Variants in PTPRG observed in about 807,000 individuals in gnomAD.
The protein encoded by PTPRG is protein tyrosine phosphatase receptor type G.
Under a neutral mutation model 165.3 loss-of-function variants are expected in PTPRG, and 102 were observed. That is an observed-to-expected ratio of 0.62 (90% CI 0.53 to 0.73). The LOEUF (loss-of-function observed/expected upper bound fraction) is 0.73. Among genes scored for constraint, PTPRG ranks in the 30% least tolerant of loss-of-function variants. PTPRG has a pLI of 0.00. For missense variants in PTPRG, 1,866 were observed against 1,861.4 expected, an observed-to-expected ratio of 1.00 and a Z score of -0.05; for synonymous variants, 675 against 669.5, an observed-to-expected ratio of 1.01 and a Z score of -0.13.
chr3:61,683,649 G>A (rs1428003136), intron 1 of PTPRG, among the ~76,000 whole-genome samples: 1 of 152,158 alleles, frequency 6.6e-6, no homozygotes, highest in Non-Finnish European at 1.5e-5. Context: ...GGGACATAGT[G>A]TTCCTTTCTT....
At chr3:62,198,503 G>C (rs929827450) in intron 10 of PTPRG, among the ~76,000 whole-genome samples, 2 of 152,102 alleles carry the variant, frequency 1.3e-5, no homozygotes, top group African/African-American at 4.8e-5. Flanking sequence ...GGAAAATGGG[G>C]GTTTATATGC....
intron 3 of PTPRG, among the ~76,000 whole-genome samples, chr3:61,996,329 G>A (rs1476687076): frequency 6.6e-6 from 1 of 152,004 alleles, no homozygotes; most frequent in African/African-American, 2.4e-5. Flanking sequence ...TAATTATAAC[G>A]CTTCCAGTAG....
chr3:61,956,783 T>G (rs1203741749), intron 2 of PTPRG, among the ~76,000 whole-genome samples: 2 of 152,202 alleles, frequency 1.3e-5, no homozygotes, highest in African/African-American at 4.8e-5. Context: ...CATTTCTGAT[T>G]GGAAAGGTTA....
intron 1 of PTPRG, among the ~76,000 whole-genome samples, chr3:61,656,136 G>A (rs868158247): frequency 1.6e-4 from 24 of 152,198 alleles, no homozygotes; most frequent in South Asian, 6.2e-4. Context: ...GGAGGCTGAG[G>A]AGGGAGGATC....
chr3:62,282,601 T>A (rs1265639057), intron 27 of PTPRG, 126 bp from the exon 28 acceptor site: 12 of 885,934 alleles, frequency 1.4e-5, no homozygotes, highest in Non-Finnish European at 1.9e-5. Flanking sequence ...CAGCTGTGGT[T>A]TGGTTAACAC....
rs146228612 is a variant in PTPRG at position 62,239,516 on chromosome 3, C to T, written c.2376-4291C>T. 8.0e-3 allele frequency among the ~76,000 whole-genome samples: 1,209 copies of T among 151,538 alleles called. 7 individuals are homozygous for T. Among genetic ancestry groups the T allele is most frequent in the Admixed American group, 0.011 (173 of 15,228 alleles). On this transcript the variant is annotated intron_variant, in intron 14 of 29. Coordinates refer to ENST00000474889, the MANE Select transcript of PTPRG (RefSeq NM_002841.4). ...TCCCGAGTAGCTGGAACTACAGGCA[C>T]GTGCCACCACACCTGCCTAATTTTT...
chr3:62,227,895 C>T (rs1700796445), intron 13 of PTPRG, among the ~76,000 whole-genome samples: 1 of 152,134 alleles, frequency 6.6e-6, no homozygotes, highest in Non-Finnish European at 1.5e-5. Flanking sequence ...TGATGAAAAA[C>T]CCCAGTTATC....
At chr3:62,021,827 A>T (rs1202243549) in intron 4 of PTPRG, among the ~76,000 whole-genome samples, 4 of 149,978 alleles carry the variant, frequency 2.7e-5, no homozygotes, top group Non-Finnish European at 5.9e-5. Flanking sequence ...TTATATGTAA[A>T]ATTTTGGCCA....
At chr3:61,866,824 CTT>C (rs1438350101) in intron 2 of PTPRG, among the ~76,000 whole-genome samples, 3 of 152,050 alleles carry the variant, frequency 2.0e-5, no homozygotes, top group Non-Finnish European at 4.4e-5. Flanking sequence ...GTCTCGATCT[CTT>C]GAACTCGTGA....
chr3:61,815,030 G>A (rs970613184), intron 2 of PTPRG, among the ~76,000 whole-genome samples: 2 of 151,952 alleles, frequency 1.3e-5, no homozygotes, highest in Non-Finnish European at 2.9e-5. Context: ...CTCAGACTCA[G>A]GTTTTTTGTG....
At chr3:61,662,788 A>C (rs1702701531) in intron 1 of PTPRG, among the ~76,000 whole-genome samples, 1 of 152,200 alleles carries the variant, frequency 6.6e-6, no homozygotes, top group Non-Finnish European at 1.5e-5. Context: ...AGCATCAACA[A>C]GGAAGATCTG....
chr3:61,917,109 G>A (rs763166457), intron 2 of PTPRG, among the ~76,000 whole-genome samples: 10 of 152,094 alleles, frequency 6.6e-5, no homozygotes, highest in Non-Finnish European at 1.0e-4. Context: ...CAAGGTGGCC[G>A]CCAATGCTTT....
chr3:62,118,657 A>C (rs942703568), intron 5 of PTPRG: 1 of 152,100 alleles, frequency 6.6e-6, no homozygotes, highest in Non-Finnish European at 1.5e-5. Flanking sequence ...TCAGTCATGG[A>C]TTAAAAGAAA....
chr3:61,680,761 G>A (rs1038670465), intron 1 of PTPRG, among the ~76,000 whole-genome samples: 1 of 131,544 alleles, frequency 7.6e-6, no homozygotes, highest in African/African-American at 2.6e-5. Flanking sequence ...TTGCAGGGAG[G>A]TGGGGATGGG....
intron 4 of PTPRG, among the ~76,000 whole-genome samples, chr3:62,069,736 C>T (rs542535063): frequency 8.6e-5 from 13 of 151,098 alleles, no homozygotes; most frequent in African/African-American, 2.0e-4. Flanking sequence ...AGAGTAACTC[C>T]GGCCTATAAT....
At chr3:62,191,273 C>G (rs191053297) in intron 8 of PTPRG, among the ~76,000 whole-genome samples, 196 bp from the exon 9 acceptor site, 1 of 150,024 alleles carries the variant, frequency 6.7e-6, no homozygotes. Flanking sequence ...GTCCCGTGCA[C>G]GTGTGTGTGA....
intron 5 of PTPRG, among the ~76,000 whole-genome samples, chr3:62,117,243 A>G (rs183864142): frequency 6.6e-6 from 1 of 152,346 alleles, no homozygotes; most frequent in African/African-American, 2.4e-5. Flanking sequence ...AAAATGTAAG[A>G]ATAAAGTTTG....
At chr3:61,715,468 C>G (rs1033231458) in intron 1 of PTPRG, among the ~76,000 whole-genome samples, 2 of 152,112 alleles carry the variant, frequency 1.3e-5, no homozygotes, top group African/African-American at 4.8e-5. Context: ...GTCCACCTGC[C>G]TTGGTCTCCC....
intron 1 of PTPRG, among the ~76,000 whole-genome samples, chr3:61,638,524 A>G (rs1005430967): frequency 2.1e-5 from 2 of 93,442 alleles, no homozygotes; most frequent in African/African-American, 9.8e-5. Context: ...TTAGATTATC[A>G]TAGAATTGAA....
Sources: allele counts gnomAD v4.1 joint callset (sites outside exome capture counted in the v4.1 genomes callset), GRCh38; gene constraint gnomAD v4.1.1; transcripts MANE v1.5; gene names NCBI Gene and HGNC (gene_info 2026-07-23, HGNC 2026-07-21).